KCNC1: variants seen among roughly 807,000 people sequenced by gnomAD.
The protein encoded by KCNC1 is voltage-gated potassium channel KCNC1.
Under a neutral mutation model 43.4 loss-of-function variants are expected in KCNC1, and 8 were observed. The observed-to-expected ratio is 0.18, with a 90% confidence interval of 0.11 to 0.33. KCNC1 has a LOEUF of 0.33. Ranked by LOEUF, KCNC1 falls within the 10% of genes least tolerant of loss-of-function variation. The pLI is 1.00. For missense variants in KCNC1, 420 were observed against 836.0 expected, an observed-to-expected ratio of 0.50 and a Z score of 6.14; for synonymous variants, 361 against 360.5, an observed-to-expected ratio of 1.00 and a Z score of -0.01.
In KCNC1 at chr11:17,776,477, A is replaced by G. The variant is rs1048496911; in HGVS notation, c.1505-2979A>G. Reference sequence around the variant, plus strand: ...GCCTGGAGACCAGGGCAGAAAAGCCAGCTGTGCTGACTGAGGGCCCAGCCT... The same window carrying G: ...GCCTGGAGACCAGGGCAGAAAAGCCGGCTGTGCTGACTGAGGGCCCAGCCT... On this transcript the variant is annotated intron_variant, in intron 2 of 3. Transcript: ENST00000265969. The surrounding 1 kb of genome is among the most constrained non-coding windows in gnomAD (Gnocchi z 4.4). 16 of 985,360 alleles carry G rather than the reference A, an allele frequency of 1.6e-5. No individual in the cohort carries two copies. The African/African-American group carries it at 2.8e-4, about 17-fold the overall frequency. The allele number at this position is 985,360 out of a possible 1,614,324, so 61.0% of individuals were successfully genotyped here.
rs1848815776 is a variant in KCNC1, at chr11:17,739,660, C to T, written c.570+3088C>T. The stretch of plus-strand genomic sequence containing the variant: ...CAAGTGTGAAACTGTATATGTGGAG[C>T]TCATGTGTGAGTCTGTGTGTGTGTG... On this transcript the variant is annotated intron_variant, in intron 1 of 3. Transcript: ENST00000265969. This position sits in a 1 kb window ranked among gnomAD's most constrained non-coding sequence, Gnocchi z 4.2. Among the ~76,000 whole-genome samples, 1 of 133,912 alleles carries T rather than the reference C, an allele frequency of 7.5e-6. No homozygotes were observed. 87.9% of individuals were successfully genotyped at this position (133,912 alleles called of 152,430 possible).
intron 1 of KCNC1, among the ~76,000 whole-genome samples, chr11:17,740,050 G>A (rs566155872): frequency 6.6e-6 from 1 of 152,326 alleles, no homozygotes; most frequent in South Asian, 2.1e-4. Context: ...TGGGACGGGT[G>A]GTGAGGTCAC....
Position 17,773,946 on chromosome 11 carries a change from G to A in KCNC1, c.1504+1348G>A. ...CCCCAGGTGGGGAAGTTTCCCCCTG[G>A]TTTGGGTGGCCTCCCCCAGTGGATG... On this transcript the variant is annotated intron_variant, in intron 2 of 3. Coordinates refer to ENST00000265969, the MANE Select transcript of KCNC1 (RefSeq NM_001112741.2). This position sits in a 1 kb window ranked among gnomAD's most constrained non-coding sequence, Gnocchi z 4.1. The A allele has an allele frequency of 1.0e-6, 1 of 985,508 alleles. No homozygotes were observed. Among genetic ancestry groups the A allele is most frequent in the Non-Finnish European group, 1.2e-6 (1 of 829,980 alleles). The allele number at this position is 985,508 out of a possible 1,614,324, so 61.0% of individuals were successfully genotyped here. A position where few individuals can be genotyped will look rare whatever the true frequency, so the allele number is the denominator to read the frequency against.
In KCNC1 at chr11:17,767,297, A is replaced by G. The variant is rs563453300; in HGVS notation, c.571-4368A>G. Among the ~76,000 whole-genome samples the G allele has an allele frequency of 2.2e-4, 32 of 143,114 alleles. No homozygotes were observed. In the East Asian group the frequency reaches 3.9e-3, roughly 17 times the overall value. The allele number at this position is 143,114 out of a possible 152,430, so 93.9% of individuals were successfully genotyped here. A position where few individuals can be genotyped will look rare whatever the true frequency, so the allele number is the denominator to read the frequency against. ...AAGACTCCGTCTCAAAAAAAAAAAA[A>G]AAAGAAAAGAAAAGAAAAGAAAAGA... On this transcript the variant is annotated intron_variant, in intron 1 of 3. Transcript: ENST00000265969.
intron 1 of KCNC1, among the ~76,000 whole-genome samples, chr11:17,755,827 T>C (rs1172523516): frequency 6.6e-6 from 1 of 152,100 alleles, no homozygotes; most frequent in Non-Finnish European, 1.5e-5. Flanking sequence ...GAGAGTGTGC[T>C]GTTTATGGGT....
Position 17,777,010 on chromosome 11 carries a change from C to T in KCNC1, c.1505-2446C>T, listed in dbSNP as rs915332583. 1.0e-4 allele frequency: 103 copies of T among 985,262 alleles called. No homozygotes were observed. Among genetic ancestry groups the T allele is most frequent in the Middle Eastern group, 5.2e-4 (1 of 1,936 alleles). 61.0% of individuals were successfully genotyped at this position (985,262 alleles called of 1,614,324 possible). On this transcript the variant is annotated intron_variant, in intron 2 of 3. Transcript: ENST00000265969. This position sits in a 1 kb window ranked among gnomAD's most constrained non-coding sequence, Gnocchi z 4.3. ...GAAGCAGTAGGCCCTAGGGGTGTCC[C>T]GGGAATCCCCCAGGAGGGAAAGGTG...
chr11:17,757,011 TAATCTGCAA>T (rs74397700), intron 1 of KCNC1, among the ~76,000 whole-genome samples: 19,383 of 152,242 alleles, frequency 0.13, 1,617 homozygotes, highest in Admixed American at 0.19. Flanking sequence ...CTCAGTTTTT[TAATCTGCAA>T]AATGGAGGTA....
chr11:17,781,479 C>T lies in KCNC1; in HGVS notation c.1694-191C>T. ...AGAAGTAGGGACTCATCCCATTCCC[C>T]CAGGAGGGAGAGAAAGAGGCGTGCT... On this transcript the variant is annotated intron_variant, in intron 3 of 3. Transcript: ENST00000265969. The surrounding 1 kb of genome is among the most constrained non-coding windows in gnomAD (Gnocchi z 5.1). The T allele has an allele frequency of 1.7e-6, 1 of 579,308 alleles. No individual in the cohort carries two copies. Among genetic ancestry groups the T allele is most frequent in the African/African-American group, 1.9e-5 (1 of 53,410 alleles). The allele number at this position is 579,308 out of a possible 1,614,324, so 35.9% of individuals were successfully genotyped here. A position where few individuals can be genotyped will look rare whatever the true frequency, so the allele number is the denominator to read the frequency against.
In KCNC1 at chr11:17,771,748, C is replaced by T. The variant is rs747207268; in HGVS notation, c.654C>T (p.Ile218=). Residue 218 remains isoleucine, a synonymous_variant, in exon 2 of 4, where the codon ATC becomes ATT. Transcript: ENST00000265969. The surrounding 1 kb of genome is among the most constrained non-coding windows in gnomAD (Gnocchi z 4.7). ...CLETHERFNP[I]VNKTEIENVR... ...AGACCCACGAGCGCTTCAACCCCAT[C>T]GTGAACAAGACGGAGATCGAGAACG... 4.3e-6 allele frequency: 7 copies of T among 1,614,116 alleles called. No individual in the cohort carries two copies. Among genetic ancestry groups the T allele is most frequent in the Admixed American group, 3.3e-5 (2 of 60,014 alleles).
In KCNC1 at chr11:17,735,320, G is replaced by A. The variant is rs1348554043; in HGVS notation, c.-683G>A. On this transcript the variant is annotated 5_prime_UTR_variant, in exon 1 of 4. Transcript: ENST00000265969. The surrounding 1 kb of genome is among the most constrained non-coding windows in gnomAD (Gnocchi z 6.7). The stretch of plus-strand genomic sequence containing the variant: ...GGGCAGGCGGGCCCGCCGCCGGGGG[G>A]AGCAGGCAGCCAAGCAAGGAGAGAG... 2 of 151,018 alleles carry A rather than the reference G, an allele frequency of 1.3e-5. No homozygotes were observed. The highest frequency in any genetic ancestry group is 4.8e-5 in the African/African-American group (2 of 41,370). The allele number at this position is 151,018 out of a possible 1,614,324, so 9.4% of individuals were successfully genotyped here.
At position 17,773,046 on chromosome 11, in the gene KCNC1, C is replaced by T. The variant is rs188294586; in HGVS notation, c.1504+448C>T. On this transcript the variant is annotated intron_variant, in intron 2 of 3. Coordinates refer to ENST00000265969, the MANE Select transcript of KCNC1 (RefSeq NM_001112741.2). This position sits in a 1 kb window ranked among gnomAD's most constrained non-coding sequence, Gnocchi z 4.1. ...GGTCCTTACCATGGCTCCCTTCAGG[C>T]TGTGTAGATGGCAGAGATGGTGCAT... The T allele has an allele frequency of 2.3e-3, 2,300 of 1,020,348 alleles. 3 individuals are homozygous for T. The highest frequency in any genetic ancestry group is 2.5e-3 in the South Asian group (60 of 23,990). 63.2% of individuals were successfully genotyped at this position (1,020,348 alleles called of 1,614,324 possible). A position where few individuals can be genotyped will look rare whatever the true frequency, so the allele number is the denominator to read the frequency against.
Position 17,777,285 on chromosome 11 carries a change from C to G in KCNC1, c.1505-2171C>G, listed in dbSNP as rs1849297818. On this transcript the variant is annotated intron_variant, in intron 2 of 3. Transcript: ENST00000265969. The surrounding 1 kb of genome is among the most constrained non-coding windows in gnomAD (Gnocchi z 4.3). ...TGACCCACCCCTCCCCAGGCAAGAA[C>G]TGCAGGCTGTGGACACCTCCCCTGG... 1 of 985,714 alleles carries G rather than the reference C, an allele frequency of 1.0e-6. No individual in the cohort carries two copies. The highest frequency in any genetic ancestry group is 1.2e-6 in the Non-Finnish European group (1 of 829,968). The allele number at this position is 985,714 out of a possible 1,614,324, so 61.1% of individuals were successfully genotyped here.
At position 17,736,104 on chromosome 11, in the gene KCNC1, C is replaced by A. The variant is rs370742331; in HGVS notation, c.102C>A (p.Leu34=). Reference sequence around the variant, plus strand: ...TGCGCACGCTGCCCGGCACGCGGCTCGCCTGGCTGGCGGAGCCCGACGCCC... The same window carrying A: ...TGCGCACGCTGCCCGGCACGCGGCTAGCCTGGCTGGCGGAGCCCGACGCCC... ...STLRTLPGTR[L]AWLAEPDAHS... Residue 34 remains leucine, a synonymous_variant, in exon 1 of 4, where the codon CTC becomes CTA. Coordinates refer to ENST00000265969, the MANE Select transcript of KCNC1 (RefSeq NM_001112741.2). The surrounding 1 kb of genome is among the most constrained non-coding windows in gnomAD (Gnocchi z 9.3). 4.6e-5 allele frequency: 74 copies of A among 1,609,572 alleles called. No homozygotes were observed. The highest frequency in any genetic ancestry group is 5.9e-5 in the Non-Finnish European group (70 of 1,178,326).
At chr11:17,760,727 A>T (rs1353656330) in intron 1 of KCNC1, among the ~76,000 whole-genome samples, 1 of 152,214 alleles carries the variant, frequency 6.6e-6, no homozygotes, top group Non-Finnish European at 1.5e-5. Flanking sequence ...TAGGGGGCTT[A>T]TGGAAGGCAA....
rs1849327982 is a variant in KCNC1 at position 17,779,941 on chromosome 11, G to T, written c.1693+297G>T. 1.5e-5 allele frequency: 4 copies of T among 258,508 alleles called. No individual in the cohort carries two copies. Among genetic ancestry groups the T allele is most frequent in the Non-Finnish European group, 2.9e-5 (4 of 136,136 alleles). The allele number at this position is 258,508 out of a possible 1,614,324, so 16.0% of individuals were successfully genotyped here. A position where few individuals can be genotyped will look rare whatever the true frequency, so the allele number is the denominator to read the frequency against. On this transcript the variant is annotated intron_variant, in intron 3 of 3. Coordinates refer to ENST00000265969, the MANE Select transcript of KCNC1 (RefSeq NM_001112741.2). The surrounding 1 kb of genome is among the most constrained non-coding windows in gnomAD (Gnocchi z 7.2). ...CCCCAAGGCAGGGGTACCCAGGAAT[G>T]CAGGAGGAGCCTTGACTCCCCCAGG...
At chr11:17,738,463 C>G (rs1303878651) in intron 1 of KCNC1, among the ~76,000 whole-genome samples, 1 of 152,172 alleles carries the variant, frequency 6.6e-6, no homozygotes, top group African/African-American at 2.4e-5. Context: ...AACTTTGGCC[C>G]CAGAAGCAAG....
At position 17,775,250 on chromosome 11, in the gene KCNC1, GC is replaced by G. The variant is rs962743754; in HGVS notation, c.1504+2653del. On this transcript the variant is annotated intron_variant, in intron 2 of 3. Transcript: ENST00000265969. The stretch of plus-strand genomic sequence containing the variant: ...TCCACTTTTAAAACCAGAGTTAGGG[GC>G]TGTGTGTGGCACGCTGGGTTCTGAG... The G allele has an allele frequency of 1.0e-5, 10 of 985,596 alleles. 1 individual carries two copies. The South Asian group carries it at 2.8e-4, about 28-fold the overall frequency. 61.1% of individuals were successfully genotyped at this position (985,596 alleles called of 1,614,324 possible).
chr11:17,762,666 G>A (rs1849091856), intron 1 of KCNC1, among the ~76,000 whole-genome samples: 1 of 152,192 alleles, frequency 6.6e-6, no homozygotes, highest in African/African-American at 2.4e-5. Context: ...GGGCCTGGAG[G>A]GCTGGAGGGA....
intron 1 of KCNC1, among the ~76,000 whole-genome samples, chr11:17,746,881 C>A (rs2133784341): frequency 6.6e-6 from 1 of 152,296 alleles, no homozygotes; most frequent in Non-Finnish European, 1.5e-5. Context: ...CCTAACCTGT[C>A]TGTGCCTCAA....
Sources: gnomAD v4.1 joint callset for allele counts (sites outside exome capture counted in the v4.1 genomes callset) on GRCh38, gnomAD v4.1.1 for gene constraint, Gnocchi (gnomAD v3.1) non-coding constraint, MANE v1.5 for transcripts, NCBI Gene and HGNC (gene_info 2026-07-23, HGNC 2026-07-21) for gene names.